Variants in PYGL observed in about 807,000 individuals in gnomAD.
The protein encoded by PYGL is glycogen phosphorylase, liver form.
In PYGL, 90 loss-of-function variants were observed where a neutral mutation model predicts 100.1. That is an observed-to-expected ratio of 0.90 (90% CI 0.76 to 1.07). PYGL has a LOEUF of 1.07. PYGL is among the 50% of genes least tolerant of loss of function. The probability of loss-of-function intolerance (pLI) is 0.00; values close to 1 mark genes in which losing one functional copy is unlikely to be tolerated. For synonymous variants in PYGL, 373 were observed against 393.0 expected (o/e 0.95, Z 0.60); for missense variants, 1,016 against 1,057.6 (o/e 0.96, Z 0.55).
At chr14:50,913,890 G>T (rs969855720) in intron 12 of PYGL, among the ~76,000 whole-genome samples, 1 of 151,954 alleles carries the variant, frequency 6.6e-6, no homozygotes, top group South Asian at 2.1e-4. Flanking sequence ...TGGTGGTGGT[G>T]GGGGTGGGTC....
At chr14:50,942,352 G>A (rs1445809653) in intron 1 of PYGL, among the ~76,000 whole-genome samples, 6 of 139,890 alleles carry the variant, frequency 4.3e-5, no homozygotes, top group Non-Finnish European at 9.5e-5. Flanking sequence ...GCCACTGAAG[G>A]AAAAACATAC....
At chr14:50,931,435 C>A (rs1312995545) in intron 4 of PYGL, among the ~76,000 whole-genome samples, 1 of 152,164 alleles carries the variant, frequency 6.6e-6, no homozygotes, top group Non-Finnish European at 1.5e-5. Context: ...GCACCCTGTG[C>A]GTCAGCCACT....
intron 13 of PYGL, 143 bp downstream of exon 13, chr14:50,912,886 G>A (rs930255225): frequency 4.0e-5 from 28 of 705,618 alleles, no homozygotes; most frequent in Admixed American, 6.7e-5. Context: ...CCTGGGAGGC[G>A]GAGGTTGCAG....
rs1199390825 is a variant in PYGL, at chr14:50,944,430, G to A, written c.-27C>T. The stretch of plus-strand genomic sequence containing the variant: ...GCTGGGGCGGCGGGCTGCGCGGCGG[G>A]CTGCGCAGAGAGCTGGAAGTGCGGC... On this transcript the variant is annotated 5_prime_UTR_variant, in exon 1 of 20. Transcript: ENST00000216392. The A allele has an allele frequency of 3.2e-6, 5 of 1,585,492 alleles. No individual in the cohort carries two copies. Among genetic ancestry groups the A allele is most frequent in the Non-Finnish European group, 4.3e-6 (5 of 1,169,080 alleles).
intron 7 of PYGL, among the ~76,000 whole-genome samples, chr14:50,917,633 G>A (rs569592851): frequency 2.0e-5 from 3 of 152,336 alleles, no homozygotes; most frequent in South Asian, 2.1e-4. Context: ...GGCAGGCAAC[G>A]TATCAGGAAG....
chr14:50,916,627 C>A lies in PYGL; in HGVS notation c.1092+15G>T. 6.2e-7 allele frequency: 1 copy of A among 1,600,512 alleles called. No individual in the cohort carries two copies. The highest frequency in any genetic ancestry group is 1.3e-5 in the African/African-American group (1 of 74,770). ...TCTGGTTAATTAAAGGAAAAAGAAG[C>A]CAAACTATCCAGACCTTGGACCAGG... On this transcript the variant is annotated intron_variant, in intron 9 of 19. Transcript: ENST00000216392.
intron 4 of PYGL, among the ~76,000 whole-genome samples, chr14:50,927,977 G>T (rs1022528285): frequency 2.0e-5 from 3 of 152,124 alleles, no homozygotes; most frequent in South Asian, 2.1e-4. Context: ...GGGTAGGGGT[G>T]GGGGGCCAAG....
intron 1 of PYGL, 83 bp from the exon 2 acceptor site, chr14:50,937,920 C>G (rs1034943710): frequency 8.1e-7 from 1 of 1,233,394 alleles, no homozygotes; most frequent in African/African-American, 1.5e-5. Context: ...TGTGTTAGGT[C>G]ACCAATAAGA....
chr14:50,928,627 AT>A (rs1194688160), intron 4 of PYGL, among the ~76,000 whole-genome samples: 1 of 147,828 alleles, frequency 6.8e-6, no homozygotes, highest in East Asian at 2.1e-4. Context: ...TAAATATAGA[AT>A]TTTAGCAACA....
chr14:50,908,394 T>A lies in PYGL; in HGVS notation c.2313-57A>T, dbSNP rs1159963576. 15 of 1,387,244 alleles carry A rather than the reference T, an allele frequency of 1.1e-5. No individual in the cohort carries two copies. The South Asian group carries it at 1.7e-4, about 16-fold the overall frequency. 85.9% of individuals were successfully genotyped at this position (1,387,244 alleles called of 1,614,324 possible). A position where few individuals can be genotyped will look rare whatever the true frequency, so the allele number is the denominator to read the frequency against. On this transcript the variant is annotated intron_variant, in intron 18 of 19. Transcript: ENST00000216392. ...CAGTCAAAATCTTCATTAATAGATATATGCTAAAATTCCATGTAAAATCAT... is the reference window on the plus strand; with the variant it reads ...CAGTCAAAATCTTCATTAATAGATAAATGCTAAAATTCCATGTAAAATCAT...
intron 1 of PYGL, 59 bp downstream of exon 1, chr14:50,944,102 C>T: frequency 6.5e-7 from 1 of 1,543,138 alleles, no homozygotes; most frequent in Non-Finnish European, 8.7e-7. Flanking sequence ...CCCGCCCGGC[C>T]GCGGCCGGAG....
At chr14:50,912,134 G>A in intron 14 of PYGL, 22 bp downstream of exon 14, 2 of 1,614,214 alleles carry the variant, frequency 1.2e-6, no homozygotes, top group East Asian at 4.5e-5. Context: ...AAGGGGGCTT[G>A]TTGGCTACAG....
At chr14:50,928,830 G>A (rs777304352) in intron 4 of PYGL, among the ~76,000 whole-genome samples, 1 of 152,104 alleles carries the variant, frequency 6.6e-6, no homozygotes, top group Non-Finnish European at 1.5e-5. Context: ...GAAAAGGCCT[G>A]CTGCTTTCTT....
intron 4 of PYGL, among the ~76,000 whole-genome samples, chr14:50,928,387 G>T (rs575146959): frequency 1.3e-5 from 2 of 152,182 alleles, no homozygotes; most frequent in East Asian, 3.9e-4. Flanking sequence ...TGTGAATCAC[G>T]CATGACTGGC....
intron 7 of PYGL, among the ~76,000 whole-genome samples, chr14:50,918,276 A>C (rs2050471670): frequency 6.6e-6 from 1 of 152,226 alleles, no homozygotes; most frequent in South Asian, 2.1e-4. Flanking sequence ...CAGCATGGAG[A>C]TTCCTTAAAG....
chr14:50,913,189 G>A, intron 12 of PYGL, 59 bp from the exon 13 acceptor site: 1 of 1,420,570 alleles, frequency 7.0e-7, no homozygotes, highest in Non-Finnish European at 9.9e-7. Flanking sequence ...GTCCAAATGG[G>A]CAGTTTCTGT....
chr14:50,932,046 A>G (rs995338080), intron 3 of PYGL, among the ~76,000 whole-genome samples: 1 of 152,178 alleles, frequency 6.6e-6, no homozygotes, highest in Admixed American at 6.5e-5. Flanking sequence ...AGAAATAACT[A>G]TTGTGTACAT....
chr14:50,942,407 AGT>A (rs2050709242), intron 1 of PYGL, among the ~76,000 whole-genome samples: 1 of 140,210 alleles, frequency 7.1e-6, no homozygotes, highest in Non-Finnish European at 1.6e-5. Context: ...CAGAGGCGTG[AGT>A]GTGTGTTTCT....
In PYGL at chr14:50,917,076, C is replaced by T. The variant is rs765287494; in HGVS notation, c.885G>A (p.Lys295=). 6.2e-7 allele frequency: 1 copy of T among 1,613,972 alleles called. No homozygotes were observed. The highest frequency in any genetic ancestry group is 2.2e-5 in the East Asian group (1 of 44,880). ...NFFEGKELRL[K]QEYFVVAATL... The stretch of plus-strand genomic sequence containing the variant: ...TTGCAGCCACCACAAAGTATTCCTG[C>T]TTCAATCTTAGCTCCTTCCCTTCAA... The change falls in exon 8 of 20, where the codon AAG becomes AAA. Residue 295 remains lysine, a synonymous_variant. Coordinates refer to ENST00000216392, the MANE Select transcript of PYGL (RefSeq NM_002863.5).
Sources: gnomAD v4.1 joint callset for allele counts (sites outside exome capture counted in the v4.1 genomes callset) on GRCh38, gnomAD v4.1.1 for gene constraint, MANE v1.5 for transcripts, NCBI Gene and HGNC (gene_info 2026-07-23, HGNC 2026-07-21) for gene names.